ANGPT2: variants seen among roughly 807,000 people sequenced by gnomAD.
ANGPT2 encodes the protein angiopoietin 2.
In ANGPT2, 28 loss-of-function variants were observed where a neutral mutation model predicts 62.9. The observed-to-expected ratio is 0.44, with a 90% CI of 0.33 to 0.61. The LOEUF is 0.61. ANGPT2 is among the 20% of genes least tolerant of loss of function. The probability of loss-of-function intolerance (pLI) is 0.03; values close to 1 mark genes in which losing one functional copy is unlikely to be tolerated. For synonymous variants in ANGPT2, 284 were observed against 207.8 expected, an observed-to-expected ratio of 1.37 and a Z score of -3.15; for missense variants, 727 against 594.9, an observed-to-expected ratio of 1.22 and a Z score of -2.31.
chr8:6,542,384 G>T (rs1446665590), intron 1 of ANGPT2, among the ~76,000 whole-genome samples: 4 of 152,046 alleles, frequency 2.6e-5, no homozygotes, highest in African/African-American at 4.8e-5. Context: ...ACTTGTGTGT[G>T]TGTGTTTCAG....
At chr8:6,546,552 T>A (rs1465131724) in intron 1 of ANGPT2, among the ~76,000 whole-genome samples, 1 of 152,116 alleles carries the variant, frequency 6.6e-6, no homozygotes, top group Non-Finnish European at 1.5e-5. Context: ...TTTTTAAAAC[T>A]CAATTTATAT....
chr8:6,520,886 G>A (rs2922897), intron 4 of ANGPT2, among the ~76,000 whole-genome samples: 52,980 of 151,984 alleles, frequency 0.35, 9,379 homozygotes, highest in Middle Eastern at 0.48. Context: ...AATGAATATC[G>A]GCTGTGGTTT....
intron 7 of ANGPT2, among the ~76,000 whole-genome samples, chr8:6,510,041 T>C (rs1328701611): frequency 4.6e-5 from 7 of 152,218 alleles, no homozygotes; most frequent in African/African-American, 1.4e-4. Context: ...AGTCGAAAAA[T>C]CTTAAGTTGA....
chr8:6,532,315 T>G lies in ANGPT2; in HGVS notation c.444+17A>C, dbSNP rs1586426054. On this transcript the variant is annotated intron_variant, in intron 2 of 8. Coordinates refer to ENST00000629816, the MANE Select transcript of ANGPT2 (RefSeq NM_001118887.2). ...CTAGCTGCAGGGACACCGTGTGCTT[T>G]ATGTGGCATTACTTACTTGGGCTTC... 6.2e-7 allele frequency: 1 copy of G among 1,614,140 alleles called. No individual in the cohort carries two copies. Among genetic ancestry groups the G allele is most frequent in the East Asian group, 2.2e-5 (1 of 44,886 alleles).
chr8:6,521,775 A>C (rs539039814), intron 3 of ANGPT2, among the ~76,000 whole-genome samples: 2 of 152,198 alleles, frequency 1.3e-5, no homozygotes, highest in Non-Finnish European at 2.9e-5. Flanking sequence ...TGCTTTTTTG[A>C]GAAGGGAGAG....
At chr8:6,510,547 T>G (rs1442668984) in intron 7 of ANGPT2, among the ~76,000 whole-genome samples, 1 of 152,248 alleles carries the variant, frequency 6.6e-6, no homozygotes, top group Non-Finnish European at 1.5e-5. Flanking sequence ...TACACCTGCA[T>G]GCACACTGGA....
chr8:6,534,068 C>T (rs1007605467), intron 1 of ANGPT2, among the ~76,000 whole-genome samples: 9 of 152,130 alleles, frequency 5.9e-5, no homozygotes, highest in African/African-American at 2.2e-4. Flanking sequence ...TCAGCCTGGT[C>T]ACTAAGGCTG....
chr8:6,561,895 A>G (rs1825597754), intron 1 of ANGPT2, among the ~76,000 whole-genome samples: 1 of 152,230 alleles, frequency 6.6e-6, no homozygotes, highest in Admixed American at 6.5e-5. Flanking sequence ...GAATCACCCC[A>G]AGAACAAACT....
chr8:6,531,450 G>A (rs927839247), intron 2 of ANGPT2, among the ~76,000 whole-genome samples: 1 of 151,800 alleles, frequency 6.6e-6, no homozygotes, highest in Non-Finnish European at 1.5e-5. Context: ...CACCACACCT[G>A]GCTAATTTGT....
intron 1 of ANGPT2, 69 bp downstream of exon 1, chr8:6,562,578 T>TTTTTTTTTTTTTTTTTTTTTTTTTA: frequency 4.5e-6 from 4 of 880,188 alleles, no homozygotes; most frequent in Non-Finnish European, 6.2e-6. Context: ...TTTTGGTTGT[T>TTTTTTTTTTTTTTTTTTTTTTTTTA]AAAACCTGAG....
At chr8:6,520,959 C>T (rs1408019019) in intron 4 of ANGPT2, among the ~76,000 whole-genome samples, 1 of 152,196 alleles carries the variant, frequency 6.6e-6, no homozygotes, top group Non-Finnish European at 1.5e-5. Context: ...AGGCTCTTTA[C>T]TGCCATGAAT....
intron 3 of ANGPT2, among the ~76,000 whole-genome samples, chr8:6,522,025 G>C (rs2515445): frequency 0.072 from 10,946 of 152,194 alleles, 484 homozygotes; most frequent in African/African-American, 0.12. Flanking sequence ...CTATCACCTA[G>C]GTCATGGGGT....
chr8:6,505,420 C>G lies in ANGPT2; in HGVS notation c.1328-2159G>C, dbSNP rs1258938075. ...ATAGAATATATATATTCTTTATATA[C>G]ATAAAGAATATATATATTCTTTATA... On this transcript the variant is annotated intron_variant, in intron 8 of 8. Transcript: ENST00000629816. Among the ~76,000 whole-genome samples, 5 of 57,414 alleles carry G rather than the reference C, an allele frequency of 8.7e-5. 1 individual carries two copies. The highest frequency in any genetic ancestry group is 3.0e-4 in the African/African-American group (5 of 16,466). The allele number at this position is 57,414 out of a possible 152,430, so 37.7% of individuals were successfully genotyped here. A position where few individuals can be genotyped will look rare whatever the true frequency, so the allele number is the denominator to read the frequency against.
At chr8:6,538,403 A>G (rs1820897502) in intron 1 of ANGPT2, among the ~76,000 whole-genome samples, 1 of 152,166 alleles carries the variant, frequency 6.6e-6, no homozygotes, top group African/African-American at 2.4e-5. Context: ...CAGAGTCAGG[A>G]ATCCACATGC....
Position 6,532,499 on chromosome 8 carries a change from C to T in ANGPT2, c.289-12G>A, listed in dbSNP as rs1819706631. The stretch of plus-strand genomic sequence containing the variant: ...ATATAATTCTCAAGCTAGAAAAGAA[C>T]AGTGTTAGAAGGCAGTCATTAGTCA... On this transcript the variant is annotated splice_polypyrimidine_tract_variant and intron_variant, in intron 1 of 8. Transcript: ENST00000629816. The T allele has an allele frequency of 1.9e-6, 3 of 1,600,756 alleles. No homozygotes were observed. The highest frequency in any genetic ancestry group is 2.6e-6 in the Non-Finnish European group (3 of 1,173,708).
At chr8:6,525,135 C>G (rs1818091422) in intron 3 of ANGPT2, among the ~76,000 whole-genome samples, 1 of 152,210 alleles carries the variant, frequency 6.6e-6, no homozygotes, top group African/African-American at 2.4e-5. Context: ...ACAATATTAA[C>G]CAGCCAAGGA....
chr8:6,508,602 A>C, intron 8 of ANGPT2: 1 of 463,834 alleles, frequency 2.2e-6, no homozygotes, highest in South Asian at 5.0e-5. Context: ...TTTTACATAA[A>C]GCAAAATGTA....
intron 1 of ANGPT2, among the ~76,000 whole-genome samples, chr8:6,533,790 G>A (rs565979943): frequency 6.2e-4 from 95 of 152,102 alleles, no homozygotes; most frequent in African/African-American, 2.1e-3. Flanking sequence ...GAAACCATTC[G>A]TGGAGTCAGT....
chr8:6,532,826 G>C (rs1819782040), intron 1 of ANGPT2, among the ~76,000 whole-genome samples: 1 of 152,190 alleles, frequency 6.6e-6, no homozygotes, highest in Admixed American at 6.5e-5. Flanking sequence ...GGCCACTGTG[G>C]GGTTGTGTCT....
Sources: allele counts gnomAD v4.1 joint callset (sites outside exome capture counted in the v4.1 genomes callset), GRCh38; gene constraint gnomAD v4.1.1; transcripts MANE v1.5; gene names NCBI Gene and HGNC (gene_info 2026-07-23, HGNC 2026-07-21).